DIS3L: variants seen among roughly 807,000 people sequenced by gnomAD.
DIS3L encodes the protein DIS3 like exosome 3'-5' exoribonuclease.
DIS3L carries 100 observed loss-of-function variants against 120.3 expected under a neutral mutation model. That is an observed-to-expected ratio of 0.83 (90% CI 0.71 to 0.98). DIS3L has a LOEUF of 0.98. Ranked by LOEUF, DIS3L falls within the 50% of genes least tolerant of loss-of-function variation. The probability of loss-of-function intolerance (pLI) is 0.00; values close to 1 mark genes in which losing one functional copy is unlikely to be tolerated. For synonymous variants in DIS3L, 426 were observed against 470.6 expected (o/e 0.91, Z 1.23); for missense variants, 1,196 against 1,314.2 (o/e 0.91, Z 1.39).
upstream of DIS3L, chr15:66,293,566 C>T: frequency 3.5e-6 from 5 of 1,410,362 alleles, no homozygotes; most frequent in Non-Finnish European, 4.6e-6. Flanking sequence ...GCCGCGCCCG[C>T]CACTCCGCGG....
In DIS3L at chr15:66,328,554, T is replaced by C. The variant is rs1248169255; in HGVS notation, c.2202-416T>C. On this transcript the variant is annotated intron_variant, in intron 12 of 16. Coordinates refer to ENST00000319212, the MANE Select transcript of DIS3L (RefSeq NM_001143688.3). ...AAAAATTATTTTGAGAATAAATAAATAGAATGCTTACTACCTCTTTAAAAA... is the reference window on the plus strand; with the variant it reads ...AAAAATTATTTTGAGAATAAATAAACAGAATGCTTACTACCTCTTTAAAAA... Among the ~76,000 whole-genome samples, 6 of 152,258 alleles carry C rather than the reference T, an allele frequency of 3.9e-5. No homozygotes were observed. In the East Asian group the frequency reaches 1.2e-3, roughly 29 times the overall value.
At chr15:66,311,980 A>AGG in intron 5 of DIS3L, 80 bp downstream of exon 5, 1 of 1,511,022 alleles carries the variant, frequency 6.6e-7, no homozygotes, top group African/African-American at 1.4e-5. Flanking sequence ...GCTAAGGCTG[A>AGG]TAGATTGCTT....
At position 66,295,111 on chromosome 15, in the gene DIS3L, G is replaced by T. The variant is rs1430904694; in HGVS notation, c.263G>T (p.Cys88Phe). 2.5e-6 allele frequency: 4 copies of T among 1,614,024 alleles called. No individual in the cohort carries two copies. The highest frequency in any genetic ancestry group is 3.4e-6 in the Non-Finnish European group (4 of 1,180,008). Residue 88 changes from cysteine to phenylalanine, a missense_variant, in exon 2 of 17, where the codon TGT (cysteine) becomes TTT (phenylalanine). Physicochemically the swap from Cys to Phe is radical, Grantham distance 205. Coordinates refer to ENST00000319212, the MANE Select transcript of DIS3L (RefSeq NM_001143688.3). Reference protein sequence around the residue: ...LKGIIFMQTACQAVQHQRGRR... With the variant: ...LKGIIFMQTAFQAVQHQRGRR... ...GGAATTATTTTCATGCAGACAGCTT[G>T]TCAAGCTGTGCAGCATCAAAGAGGC...
chr15:66,296,604 A>C (rs551992599), intron 2 of DIS3L, among the ~76,000 whole-genome samples: 2 of 150,714 alleles, frequency 1.3e-5, no homozygotes, highest in Middle Eastern at 6.8e-3. Context: ...GGTCACTGCA[A>C]CCTCCACCTC....
At chr15:66,309,994 G>T (rs1249841756) in intron 4 of DIS3L, among the ~76,000 whole-genome samples, 2 of 152,142 alleles carry the variant, frequency 1.3e-5, no homozygotes, top group Non-Finnish European at 1.5e-5. Flanking sequence ...GGTACCTTTT[G>T]TGAGAGTAGG....
intron 2 of DIS3L, among the ~76,000 whole-genome samples, chr15:66,298,394 G>A (rs1025121844): frequency 2.4e-4 from 37 of 151,988 alleles, no homozygotes; most frequent in African/African-American, 7.5e-4. Flanking sequence ...CATAAATCTC[G>A]GTATAAGTCC....
chr15:66,293,339 A>G, upstream of DIS3L: 1 of 445,344 alleles, frequency 2.2e-6, no homozygotes. Flanking sequence ...CCGTCCAGGT[A>G]TCATCCTAGT....
At position 66,311,802 on chromosome 15, in the gene DIS3L, A is replaced by G; in HGVS notation, c.637A>G (p.Arg213Gly). 1.2e-6 allele frequency: 2 copies of G among 1,614,056 alleles called. No individual in the cohort carries two copies. Among genetic ancestry groups the G allele is most frequent in the Non-Finnish European group, 1.7e-6 (2 of 1,179,988 alleles). ...TTCTATCCTTCAGTCTCGACGGGAG[A>G]GAGAGAATGAGAGTCAGGAGAGCCA... ...CDSILQSRRE[R>G]ENESQESHGK... is the part of the protein sequence containing the mutation. Residue 213 changes from arginine to glycine, a missense_variant, in exon 5 of 17, where the codon AGA becomes GGA. Coordinates refer to ENST00000319212, the MANE Select transcript of DIS3L (RefSeq NM_001143688.3).
chr15:66,326,422 T>C, intron 12 of DIS3L, 58 bp downstream of exon 12: 1 of 1,521,306 alleles, frequency 6.6e-7, no homozygotes, highest in Middle Eastern at 2.0e-4. Context: ...TTTAGTTATC[T>C]TACAGTTGTT....
chr15:66,309,094 A>AAAAAAAAAAAAAAAAAAAAATATAT, intron 4 of DIS3L, among the ~76,000 whole-genome samples: 1 of 15,320 alleles, frequency 6.5e-5, no homozygotes, highest in Non-Finnish European at 1.2e-4. Flanking sequence ...AAAAAAAAAA[A>AAAAAAAAAAAAAAAAAAAAATATAT]ATATATATAT....
chr15:66,293,790 G>C, intron 1 of DIS3L, 55 bp downstream of exon 1: 1 of 1,122,340 alleles, frequency 8.9e-7, no homozygotes, highest in Non-Finnish European at 1.1e-6. Flanking sequence ...CGGCCGCAGT[G>C]AGGGGCTGAG....
rs34711611 is a variant in DIS3L, at chr15:66,304,089, CAAAAAAAAA to C, written c.294-2720_294-2712del. 7.8e-4 allele frequency among the ~76,000 whole-genome samples: 57 copies of C among 72,628 alleles called. 1 individual carries two copies. Among genetic ancestry groups the C allele is most frequent in the African/African-American group, 2.1e-3 (40 of 18,942 alleles). The allele number at this position is 72,628 out of a possible 152,430, so 47.6% of individuals were successfully genotyped here. The stretch of plus-strand genomic sequence containing the variant: ...TGGGCAACAGAGTGAGACTCTGTTT[CAAAAAAAAA>C]AAAAAAAAAAAAAACAATATGGCAT... On this transcript the variant is annotated intron_variant, in intron 2 of 16. Coordinates refer to ENST00000319212, the MANE Select transcript of DIS3L (RefSeq NM_001143688.3).
chr15:66,329,133 T>TA lies in DIS3L; in HGVS notation c.2356+10dup. The TA allele has an allele frequency of 6.2e-7, 1 of 1,607,608 alleles. No homozygotes were observed. Among genetic ancestry groups the TA allele is most frequent in the South Asian group, 1.1e-5 (1 of 89,838 alleles). ...GGAGTTCCATCATTACGGTGAATCA[T>TA]ACCATATTCCTATGTGTGGCTGTAA... On this transcript the variant is annotated intron_variant, in intron 13 of 16. Coordinates refer to ENST00000319212, the MANE Select transcript of DIS3L (RefSeq NM_001143688.3).
At position 66,333,167 on chromosome 15, in the gene DIS3L, C is replaced by T. The variant is rs759428284; in HGVS notation, c.3020C>T (p.Ala1007Val). Reference protein sequence around the residue: ...VKEVTKSVEEAQLAQEVKVNI... With the variant: ...VKEVTKSVEEVQLAQEVKVNI... ...GAAGTAACTAAATCTGTGGAAGAAG[C>T]TCAGCTTGCCCAAGAAGTCAAAGTA... The change falls in exon 17 of 17, where the codon GCT becomes GTT. Residue 1007 changes from alanine (A) to valine (V), a missense_variant. By Grantham distance (64) the Ala-to-Val change is moderately conservative. Coordinates refer to ENST00000319212, the MANE Select transcript of DIS3L (RefSeq NM_001143688.3). 3.7e-6 allele frequency: 6 copies of T among 1,613,954 alleles called. No individual in the cohort carries two copies. The Admixed American group carries it at 8.3e-5, about 22-fold the overall frequency.
In DIS3L at chr15:66,331,904, T is replaced by C; in HGVS notation, c.2565T>C (p.Thr855=). 6.2e-7 allele frequency: 1 copy of C among 1,611,856 alleles called. No individual in the cohort carries two copies. ...QAAQHSQKQS[T]ELFQCMYFKD... is the part of the protein sequence containing the mutation. Reference sequence around the variant, plus strand: ...CACAGCATTCTCAGAAGCAGTCTACTGAGCTCTTCCAGTGCATGTACTTCA... The same window carrying C: ...CACAGCATTCTCAGAAGCAGTCTACCGAGCTCTTCCAGTGCATGTACTTCA... The change falls in exon 15 of 17, where the codon ACT becomes ACC. Residue 855 remains threonine (T), a synonymous_variant. Coordinates refer to ENST00000319212, the MANE Select transcript of DIS3L (RefSeq NM_001143688.3).
intron 2 of DIS3L, among the ~76,000 whole-genome samples, chr15:66,298,502 A>G (rs936633900): frequency 1.3e-5 from 2 of 152,260 alleles, no homozygotes; most frequent in Admixed American, 1.3e-4. Flanking sequence ...CGTGACAGAT[A>G]ACATTGTTTT....
chr15:66,313,631 G>T (rs989150432), intron 5 of DIS3L, among the ~76,000 whole-genome samples: 2 of 151,990 alleles, frequency 1.3e-5, no homozygotes, highest in African/African-American at 4.8e-5. Context: ...TTGGGAGGCT[G>T]AGGCAGGAGA....
Position 66,313,994 on chromosome 15 carries a change from G to A in DIS3L, c.736-45G>A, listed in dbSNP as rs201218848. 122 of 1,496,602 alleles carry A rather than the reference G, an allele frequency of 8.2e-5. No homozygotes were observed. The East Asian group carries it at 2.7e-3, about 33-fold the overall frequency. The allele number at this position is 1,496,602 out of a possible 1,614,324, so 92.7% of individuals were successfully genotyped here. On this transcript the variant is annotated intron_variant, in intron 5 of 16. Transcript: ENST00000319212. ...TGGACCTTTTGGAGATAAACCAGGCGGAAAAGAACATTTTTCATATTGATT... is the reference window on the plus strand; with the variant it reads ...TGGACCTTTTGGAGATAAACCAGGCAGAAAAGAACATTTTTCATATTGATT...
At position 66,329,366 on chromosome 15, in the gene DIS3L, G is replaced by C. The variant is rs757548085; in HGVS notation, c.2502G>C (p.Glu834Asp). The C allele has an allele frequency of 1.9e-5, 31 of 1,611,912 alleles. No homozygotes were observed. Among genetic ancestry groups the C allele is most frequent in the Non-Finnish European group, 2.5e-5 (30 of 1,179,554 alleles). Reference sequence around the variant, plus strand: ...ATCTGTTCAGCAACAAAGATCTTGAGGAATTATGCAGACATATCAACAACA... The same window carrying C: ...ATCTGTTCAGCAACAAAGATCTTGACGAATTATGCAGACATATCAACAACA... Reference protein sequence around the residue: ...KGNLFSNKDLEELCRHINNRN... With the variant: ...KGNLFSNKDLDELCRHINNRN... Residue 834 changes from glutamate to aspartate, a missense_variant, in exon 14 of 17, where the codon GAG becomes GAC. Physicochemically the swap from Glu to Asp is conservative, Grantham distance 45. Coordinates refer to ENST00000319212, the MANE Select transcript of DIS3L (RefSeq NM_001143688.3).
Sources: gnomAD v4.1 joint callset for allele counts (sites outside exome capture counted in the v4.1 genomes callset) on GRCh38, gnomAD v4.1.1 for gene constraint, MANE v1.5 for transcripts, NCBI Gene and HGNC (gene_info 2026-07-23, HGNC 2026-07-21) for gene names.